Variants in TEAD4 observed in about 807,000 individuals in gnomAD.
TEAD4 encodes the protein TEA domain transcription factor 4.
TEAD4 carries 36 observed loss-of-function variants against 52.4 expected under a neutral mutation model. The observed-to-expected ratio is 0.69, with a 90% confidence interval of 0.53 to 0.91. TEAD4 has a LOEUF of 0.91. Among genes scored for constraint, TEAD4 ranks in the 40% least tolerant of loss-of-function variants. The probability of loss-of-function intolerance (pLI) is 0.00; values close to 1 mark genes in which losing one functional copy is unlikely to be tolerated. For synonymous variants in TEAD4, 220 were observed against 231.0 expected (o/e 0.95, Z 0.43); for missense variants, 508 against 583.9 (o/e 0.87, Z 1.34).
intron 2 of TEAD4, among the ~76,000 whole-genome samples, chr12:2,982,571 G>C (rs1340554211): frequency 1.3e-5 from 2 of 152,232 alleles, no homozygotes; most frequent in African/African-American, 4.8e-5. Context: ...CGCAGGGCAG[G>C]GCGGTGCGTG....
chr12:3,022,018 G>A lies in TEAD4; in HGVS notation c.897+1G>A. 1 of 1,613,964 alleles carries A rather than the reference G, an allele frequency of 6.2e-7. No individual in the cohort carries two copies. Among genetic ancestry groups the A allele is most frequent in the South Asian group, 1.1e-5 (1 of 91,060 alleles). ...TGCCTTTTTTCTTGTGAAGTTCTGG[G>A]TAAGCCTGTGATAACCCCTTCTTTC... On this transcript the variant is annotated splice_donor_variant, in intron 10 of 12. Coordinates refer to ENST00000359864, the MANE Select transcript of TEAD4 (RefSeq NM_003213.4). LOFTEE classifies it high-confidence loss of function.
chr12:2,990,270 A>G (rs563159523), intron 2 of TEAD4, among the ~76,000 whole-genome samples: 9 of 152,224 alleles, frequency 5.9e-5, no homozygotes, highest in Middle Eastern at 3.4e-3. Context: ...ATTTAGGTCA[A>G]TAATCATTTA....
intron 2 of TEAD4, among the ~76,000 whole-genome samples, chr12:2,989,439 G>T (rs1213061793): frequency 1.3e-5 from 2 of 152,064 alleles, no homozygotes; most frequent in Non-Finnish European, 2.9e-5. Flanking sequence ...CTATCAGTTT[G>T]TTGTTATTAT....
At chr12:3,038,349 C>G (rs1053204217) in intron 11 of TEAD4, among the ~76,000 whole-genome samples, 4 of 152,232 alleles carry the variant, frequency 2.6e-5, no homozygotes, top group African/African-American at 9.6e-5. Flanking sequence ...CTTGCAGGCA[C>G]CCCCGGTCCT....
intron 11 of TEAD4, among the ~76,000 whole-genome samples, chr12:3,038,756 G>A (rs181572073): frequency 1.8e-4 from 27 of 152,316 alleles, no homozygotes; most frequent in Admixed American, 5.9e-4. Context: ...TGTCTGGGGG[G>A]TTGTGATAAA....
chr12:3,010,324 C>T (rs1049681401), intron 3 of TEAD4, among the ~76,000 whole-genome samples: 5 of 152,358 alleles, frequency 3.3e-5, no homozygotes, highest in African/African-American at 1.2e-4. Context: ...CTGGGGTTTT[C>T]CAGGATGCTT....
intron 2 of TEAD4, among the ~76,000 whole-genome samples, chr12:2,967,023 T>C (rs556957801): frequency 5.8e-4 from 88 of 152,308 alleles, no homozygotes; most frequent in African/African-American, 1.9e-3. Flanking sequence ...CTCGTTTTTA[T>C]GGGCGTTGAG....
intron 2 of TEAD4, among the ~76,000 whole-genome samples, chr12:2,968,758 C>T (rs978783355): frequency 1.3e-5 from 2 of 152,046 alleles, no homozygotes; most frequent in African/African-American, 4.8e-5. Context: ...AGATGGTCCT[C>T]CTGCCTCAGT....
intron 3 of TEAD4, among the ~76,000 whole-genome samples, chr12:3,005,093 T>C (rs773848406): frequency 2.6e-5 from 4 of 152,092 alleles, no homozygotes; most frequent in African/African-American, 9.7e-5. Context: ...GAGGACAGTA[T>C]GCCAAGTGAA....
At chr12:3,022,135 T>C in intron 10 of TEAD4, 118 bp downstream of exon 10, 2 of 1,334,904 alleles carry the variant, frequency 1.5e-6, no homozygotes. Flanking sequence ...GTGGCACCAG[T>C]GAGAAGGGGA....
chr12:3,029,943 C>T (rs889036163), intron 10 of TEAD4, among the ~76,000 whole-genome samples: 3 of 152,020 alleles, frequency 2.0e-5, no homozygotes, highest in African/African-American at 7.2e-5. Context: ...TTTAGTTTCT[C>T]CAGAGACGAT....
At chr12:2,992,310 C>T (rs1035406861) in intron 2 of TEAD4, among the ~76,000 whole-genome samples, 4 of 152,040 alleles carry the variant, frequency 2.6e-5, no homozygotes, top group African/African-American at 2.4e-5. Flanking sequence ...TGAGCCACTG[C>T]GCCCGGCTGG....
intron 2 of TEAD4, among the ~76,000 whole-genome samples, chr12:2,979,804 G>A (rs558351825): frequency 6.6e-6 from 1 of 152,274 alleles, no homozygotes; most frequent in South Asian, 2.1e-4. Flanking sequence ...TGGGGATTAA[G>A]TTTTTAACCC....
At chr12:3,013,945 C>G (rs2098262391) in intron 5 of TEAD4, among the ~76,000 whole-genome samples, 1 of 152,222 alleles carries the variant, frequency 6.6e-6, no homozygotes, top group Non-Finnish European at 1.5e-5. Context: ...CCTTCTGGCC[C>G]TGGCAGTTCA....
rs564257536 is a variant in TEAD4, at chr12:2,963,291, T to C, written c.-30+3251T>C. On this transcript the variant is annotated intron_variant, in intron 2 of 12. Transcript: ENST00000359864. ...TGTTGCCAAACCTGTGGCTCCTCCT[T>C]CTCCTTCCCAGTGGAAGTGGAGGAC... is the stretch of plus-strand genomic sequence containing the variant. Among the ~76,000 whole-genome samples the C allele has an allele frequency of 1.2e-4, 18 of 152,340 alleles. No homozygotes were observed. The South Asian group carries it at 2.1e-3, about 18-fold the overall frequency.
At chr12:2,983,176 T>C (rs768986512) in intron 2 of TEAD4, among the ~76,000 whole-genome samples, 8 of 152,210 alleles carry the variant, frequency 5.3e-5, no homozygotes, top group Non-Finnish European at 1.2e-4. Flanking sequence ...GATTAATTAA[T>C]TAAGTATTAA....
chr12:2,986,365 C>G (rs61507057), intron 2 of TEAD4, among the ~76,000 whole-genome samples: 1 of 151,542 alleles, frequency 6.6e-6, no homozygotes, highest in African/African-American at 2.4e-5. Flanking sequence ...AGGCTGGGTG[C>G]GGTGGCTCAC....
At chr12:3,019,014 C>G (rs563830676) in intron 7 of TEAD4, 101 bp from the exon 8 acceptor site, 2 of 1,455,970 alleles carry the variant, frequency 1.4e-6, no homozygotes, top group Non-Finnish European at 1.9e-6. Flanking sequence ...CACTGAAATC[C>G]AGACCACCAG....
chr12:3,024,111 C>T (rs1049017227), intron 10 of TEAD4, among the ~76,000 whole-genome samples: 9 of 151,684 alleles, frequency 5.9e-5, no homozygotes, highest in East Asian at 3.9e-4. Flanking sequence ...TCTCGCTCTG[C>T]CACCCAGGCT....
Sources: allele counts gnomAD v4.1 joint callset (sites outside exome capture counted in the v4.1 genomes callset), GRCh38; gene constraint gnomAD v4.1.1; transcripts MANE v1.5; gene names NCBI Gene and HGNC (gene_info 2026-07-23, HGNC 2026-07-21).